STPG2: variants seen among roughly 807,000 people sequenced by gnomAD.
The protein encoded by STPG2 is sperm tail PG-rich repeat containing 2.
A neutral mutation model predicts 54.2 loss-of-function variants in STPG2; 56 were observed. The ratio of observed to expected loss-of-function variants is 1.03; its 90% CI spans 0.83 to 1.29. The LOEUF (loss-of-function observed/expected upper bound fraction) is 1.29, where lower values mean the gene tolerates loss of function less well. Ranked by LOEUF, STPG2 falls within the 50% of genes most tolerant of loss-of-function variation. The pLI, the probability that STPG2 is intolerant of heterozygous loss-of-function variation, is 0.00. For missense variants in STPG2, 596 were observed against 544.9 expected (o/e 1.09, Z -0.93); for synonymous variants, 200 against 181.8 (o/e 1.10, Z -0.81).
At chr4:97,760,574 T>C (rs1291292223) in intron 9 of STPG2, among the ~76,000 whole-genome samples, 3 of 152,094 alleles carry the variant, frequency 2.0e-5, no homozygotes, top group African/African-American at 4.8e-5. Context: ...AATAATTCTG[T>C]GGTTAATAAG....
intron 8 of STPG2, among the ~76,000 whole-genome samples, chr4:97,907,877 T>C (rs1036140101): frequency 6.6e-6 from 1 of 152,130 alleles, no homozygotes. Context: ...TCAAGATGGA[T>C]TAAAGACTTA....
chr4:97,985,571 C>T (rs982518602), intron 5 of STPG2, among the ~76,000 whole-genome samples: 1 of 152,130 alleles, frequency 6.6e-6, no homozygotes, highest in Non-Finnish European at 1.5e-5. Context: ...TGTTCTAAGT[C>T]TACTTTGTTA....
At chr4:97,906,053 T>C (rs1731403540) in intron 8 of STPG2, among the ~76,000 whole-genome samples, 1 of 151,904 alleles carries the variant, frequency 6.6e-6, no homozygotes, top group Admixed American at 6.6e-5. Flanking sequence ...ACAAAAACCC[T>C]TCAAAAAAGT....
At chr4:98,100,672 T>C (rs968934053) in intron 5 of STPG2, among the ~76,000 whole-genome samples, 2 of 128,230 alleles carry the variant, frequency 1.6e-5, no homozygotes, top group African/African-American at 3.0e-5. Flanking sequence ...CTTTTTTTTT[T>C]TTTTTTTTTT....
rs139667299 is a variant in STPG2 at position 97,801,073 on chromosome 4, C to T, written c.1204+39700G>A. On this transcript the variant is annotated intron_variant, in intron 9 of 10. Coordinates refer to ENST00000295268, the MANE Select transcript of STPG2 (RefSeq NM_174952.3). ...CGGACTGACCCAATTTTCCAGGTGC[C>T]GTCTGTCACAGCTTCTCTTGGCTAG... Among the ~76,000 whole-genome samples, 650 of 152,244 alleles carry T rather than the reference C, an allele frequency of 4.3e-3. 3 individuals carry two copies. The highest frequency in any genetic ancestry group is 0.015 in the African/African-American group (616 of 41,546).
At chr4:97,874,250 C>T (rs12648529) in intron 8 of STPG2, among the ~76,000 whole-genome samples, 24,462 of 151,488 alleles carry the variant, frequency 0.16, 2,146 homozygotes, top group East Asian at 0.36. Context: ...TATTCATGTT[C>T]ATTATCATTT....
intron 8 of STPG2, among the ~76,000 whole-genome samples, chr4:97,856,679 G>A (rs945315137): frequency 5.3e-5 from 8 of 152,056 alleles, no homozygotes; most frequent in East Asian, 3.8e-4. Flanking sequence ...TGCCCTGGCC[G>A]GAATTTCCAA....
intron 5 of STPG2, among the ~76,000 whole-genome samples, chr4:98,068,732 T>C (rs1224051971): frequency 2.0e-5 from 3 of 152,054 alleles, no homozygotes; most frequent in African/African-American, 4.8e-5. Flanking sequence ...GATTTCATCA[T>C]TGTGCAAACA....
At chr4:97,670,473 T>C in intron 10 of STPG2, among the ~76,000 whole-genome samples, 1 of 152,240 alleles carries the variant, frequency 6.6e-6, no homozygotes. Context: ...GCAGTATTTC[T>C]TGAAACAGAA....
At chr4:97,942,253 G>C (rs1182789020) in intron 8 of STPG2, among the ~76,000 whole-genome samples, 2 of 151,496 alleles carry the variant, frequency 1.3e-5, no homozygotes, top group Non-Finnish European at 2.9e-5. Context: ...TATTATGATA[G>C]AAATAACTTT....
chr4:97,797,240 G>C, intron 9 of STPG2, among the ~76,000 whole-genome samples: 1 of 152,178 alleles, frequency 6.6e-6, no homozygotes, highest in Non-Finnish European at 1.5e-5. Context: ...TAGGAGTGGT[G>C]AGAGAGGGCA....
intron 8 of STPG2, among the ~76,000 whole-genome samples, chr4:97,936,875 G>A (rs1269249352): frequency 6.6e-6 from 1 of 152,104 alleles, no homozygotes; most frequent in Non-Finnish European, 1.5e-5. Context: ...ATCTACTCAT[G>A]GAGTATGTTA....
intron 10 of STPG2, among the ~76,000 whole-genome samples, chr4:97,680,546 T>C (rs1723000954): frequency 1.3e-5 from 2 of 152,242 alleles, no homozygotes; most frequent in South Asian, 4.1e-4. Context: ...CAATGGGGTT[T>C]TCTAGATATA....
At chr4:97,859,528 G>T (rs1402519383) in intron 8 of STPG2, among the ~76,000 whole-genome samples, 1 of 149,664 alleles carries the variant, frequency 6.7e-6, no homozygotes, top group Non-Finnish European at 1.5e-5. Flanking sequence ...GCAGTGGGGC[G>T]ATCTGCCCTC....
chr4:97,797,672 G>A (rs1727243113), intron 9 of STPG2, among the ~76,000 whole-genome samples: 1 of 152,142 alleles, frequency 6.6e-6, no homozygotes. Flanking sequence ...GTCTTTTCCA[G>A]GCTTTGGTAT....
At chr4:97,597,501 G>A (rs763245635) in intron 10 of STPG2, among the ~76,000 whole-genome samples, 2 of 151,470 alleles carry the variant, frequency 1.3e-5, no homozygotes, top group Non-Finnish European at 3.0e-5. Flanking sequence ...CTCTAGCAAA[G>A]AAAATCCAGC....
At chr4:97,748,222 T>C (rs1725479021) in intron 9 of STPG2, among the ~76,000 whole-genome samples, 3 of 151,552 alleles carry the variant, frequency 2.0e-5, no homozygotes, top group Non-Finnish European at 4.4e-5. Flanking sequence ...ACTTACAGTA[T>C]TACTGCTATG....
chr4:97,796,931 C>G (rs1227921969), intron 9 of STPG2, among the ~76,000 whole-genome samples: 1 of 152,014 alleles, frequency 6.6e-6, no homozygotes, highest in Admixed American at 6.6e-5. Context: ...AGTTGGATTC[C>G]TAGGTATTTT....
At chr4:97,453,353 C>A (rs530608780) in intron 4 of STPG2, among the ~76,000 whole-genome samples, 1 of 152,334 alleles carries the variant, frequency 6.6e-6, no homozygotes, top group African/African-American at 2.4e-5. Flanking sequence ...CTTGCTCACA[C>A]ACCCTTTGCT....
Sources: allele counts gnomAD v4.1 joint callset (sites outside exome capture counted in the v4.1 genomes callset), GRCh38; gene constraint gnomAD v4.1.1; transcripts MANE v1.5; gene names NCBI Gene and HGNC (gene_info 2026-07-23, HGNC 2026-07-21).